OCA2: variants seen among roughly 807,000 people sequenced by gnomAD.
OCA2 encodes P protein.
Under a neutral mutation model 100.2 loss-of-function variants are expected in OCA2, and 77 were observed. That is an observed-to-expected ratio of 0.77 (90% confidence interval 0.64 to 0.93). The LOEUF (loss-of-function observed/expected upper bound fraction) is 0.93. OCA2 is among the 40% of genes least tolerant of loss of function. OCA2 has a pLI of 0.00. For missense variants in OCA2, 1,062 were observed against 1,089.1 expected, an observed-to-expected ratio of 0.98 and a Z score of 0.35; for synonymous variants, 432 against 439.2, an observed-to-expected ratio of 0.98 and a Z score of 0.21.
chr15:28,002,317 AC>A (rs2041952981), intron 9 of OCA2, among the ~76,000 whole-genome samples: 1 of 152,156 alleles, frequency 6.6e-6, no homozygotes, highest in Non-Finnish European at 1.5e-5. Context: ...CAGATGCTGG[AC>A]CATGGAGCTA....
chr15:27,922,199 G>A (rs547650752), intron 19 of OCA2, among the ~76,000 whole-genome samples: 24 of 152,196 alleles, frequency 1.6e-4, no homozygotes, highest in Non-Finnish European at 3.2e-4. Context: ...ACCTTTCTCT[G>A]CTTCTTTAGA....
chr15:27,856,130 TC>T (rs1264807900), intron 21 of OCA2, among the ~76,000 whole-genome samples: 4 of 152,150 alleles, frequency 2.6e-5, no homozygotes, highest in Non-Finnish European at 5.9e-5. Flanking sequence ...ACAGGAGCCT[TC>T]CCCGTGCCTG....
the OCA2 span, among the ~76,000 whole-genome samples, chr15:27,725,111 C>T: frequency 6.6e-5 from 10 of 152,168 alleles, no homozygotes; most frequent in Admixed American, 1.3e-4. Flanking sequence ...AGTGCTCAAC[C>T]GCAGAGTGGG....
At chr15:27,887,448 G>A (rs751940906) in intron 19 of OCA2, among the ~76,000 whole-genome samples, 3 of 151,494 alleles carry the variant, frequency 2.0e-5, no homozygotes, top group Non-Finnish European at 4.4e-5. Context: ...GCCAGCAAAG[G>A]TAACCATGGG....
At chr15:27,856,315 A>G (rs371680790) in intron 21 of OCA2, among the ~76,000 whole-genome samples, 6 of 152,210 alleles carry the variant, frequency 3.9e-5, no homozygotes, top group African/African-American at 1.4e-4. Flanking sequence ...TTGGGGAGAC[A>G]ATTCAATTCA....
intron 23 of OCA2, among the ~76,000 whole-genome samples, chr15:27,821,207 T>G (rs183837742): frequency 2.1e-4 from 32 of 152,148 alleles, no homozygotes; most frequent in African/African-American, 7.5e-4. Context: ...ATTAGAGAGG[T>G]TATGCACACT....
At chr15:27,864,204 C>T (rs1020345703) in intron 21 of OCA2, among the ~76,000 whole-genome samples, 2 of 152,132 alleles carry the variant, frequency 1.3e-5, no homozygotes, top group Admixed American at 1.3e-4. Flanking sequence ...TTTCTGTGCT[C>T]CTCCCATTTC....
At chr15:27,759,778 T>C (rs1027503542) in intron 23 of OCA2, among the ~76,000 whole-genome samples, 4 of 150,928 alleles carry the variant, frequency 2.7e-5, no homozygotes, top group Admixed American at 2.6e-4. Context: ...AGACTTTTAT[T>C]CTCTCTCTCT....
intron 23 of OCA2, among the ~76,000 whole-genome samples, chr15:27,790,947 C>T (rs186840577): frequency 6.3e-4 from 95 of 151,566 alleles, no homozygotes; most frequent in African/African-American, 2.2e-3. Context: ...TGCCACCATG[C>T]CCAGCTAAGT....
At chr15:27,797,173 A>G (rs1566970480) in intron 23 of OCA2, among the ~76,000 whole-genome samples, 1 of 152,164 alleles carries the variant, frequency 6.6e-6, no homozygotes, top group Non-Finnish European at 1.5e-5. Flanking sequence ...CTTTGATCTA[A>G]AGGGCTGGCT....
chr15:27,982,586 C>T (rs966207412), intron 14 of OCA2, among the ~76,000 whole-genome samples: 1 of 152,162 alleles, frequency 6.6e-6, no homozygotes, highest in African/African-American at 2.4e-5. Context: ...CCATTAACAC[C>T]CTGGAGCCAT....
the OCA2 span, among the ~76,000 whole-genome samples, chr15:27,740,349 GC>G: frequency 1.3e-5 from 2 of 152,128 alleles, no homozygotes; most frequent in East Asian, 3.9e-4. Flanking sequence ...CCAGAGGCCA[GC>G]CCCCGTGCCC....
chr15:27,832,933 C>A (rs1360861872), intron 23 of OCA2, among the ~76,000 whole-genome samples: 1 of 151,396 alleles, frequency 6.6e-6, no homozygotes, highest in African/African-American at 2.4e-5. Context: ...CTGCCTCAGC[C>A]TCCCCCAGTA....
the OCA2 span, among the ~76,000 whole-genome samples, chr15:27,732,837 C>G: frequency 6.6e-6 from 1 of 152,128 alleles, no homozygotes; most frequent in Non-Finnish European, 1.5e-5. Context: ...TAATAACTTA[C>G]AAAAATAGGG....
At chr15:27,853,824 CA>C (rs2035853843) in intron 21 of OCA2, among the ~76,000 whole-genome samples, 1 of 152,112 alleles carries the variant, frequency 6.6e-6, no homozygotes, top group African/African-American at 2.4e-5. Context: ...AGGAGAGCAC[CA>C]ATGGTGGCTG....
chr15:27,926,882 G>A (rs2039062823), intron 18 of OCA2, among the ~76,000 whole-genome samples: 1 of 152,088 alleles, frequency 6.6e-6, no homozygotes, highest in Non-Finnish European at 1.5e-5. Context: ...CCAAACTGCT[G>A]GGATTACAGG....
intron 2 of OCA2, among the ~76,000 whole-genome samples, chr15:28,059,880 C>T (rs973808151): frequency 2.0e-5 from 3 of 152,174 alleles, no homozygotes; most frequent in East Asian, 1.9e-4. Flanking sequence ...GTACTTACTC[C>T]GTTTCTTTCT....
chr15:27,769,798 G>A (rs1432351368), intron 23 of OCA2, among the ~76,000 whole-genome samples: 1 of 150,598 alleles, frequency 6.6e-6, no homozygotes, highest in African/African-American at 2.5e-5. Flanking sequence ...CGAGCAAGCC[G>A]CCCGGGCACG....
chr15:27,841,421 T>C (rs2035337733), intron 23 of OCA2, among the ~76,000 whole-genome samples: 1 of 152,202 alleles, frequency 6.6e-6, no homozygotes, highest in African/African-American at 2.4e-5. Flanking sequence ...CTATAGTTTG[T>C]CAAGATTTTA....
Sources: allele counts gnomAD v4.1 joint callset (sites outside exome capture counted in the v4.1 genomes callset), GRCh38; gene constraint gnomAD v4.1.1; transcripts MANE v1.5; gene names NCBI Gene and HGNC (gene_info 2026-07-23, HGNC 2026-07-21).